Variants in JAK2 observed in about 807,000 individuals in gnomAD.
The protein encoded by JAK2 is tyrosine-protein kinase JAK2.
In JAK2, 86 loss-of-function variants were observed where a neutral mutation model predicts 139.3. That is an observed-to-expected ratio of 0.62 (90% CI 0.52 to 0.74). The LOEUF (loss-of-function observed/expected upper bound fraction) is 0.74, where lower values mean the gene tolerates loss of function less well. Among genes scored for constraint, JAK2 ranks in the 30% least tolerant of loss-of-function variants. The probability of loss-of-function intolerance (pLI) is 0.00; values close to 1 mark genes in which losing one functional copy is unlikely to be tolerated. For missense variants in JAK2, 1,421 were observed against 1,360.3 expected, an observed-to-expected ratio of 1.04 and a Z score of -0.70; for synonymous variants, 490 against 437.7, an observed-to-expected ratio of 1.12 and a Z score of -1.49.
chr9:5,048,205 G>C (rs1817160354), intron 5 of JAK2, among the ~76,000 whole-genome samples: 1 of 151,738 alleles, frequency 6.6e-6, no homozygotes, highest in Non-Finnish European at 1.5e-5. Flanking sequence ...GCAATGGCGT[G>C]ATCTCGGCTC....
intron 4 of JAK2, among the ~76,000 whole-genome samples, chr9:5,035,474 A>G (rs1359997380): frequency 6.6e-6 from 1 of 152,228 alleles, no homozygotes; most frequent in Admixed American, 6.5e-5. Context: ...CATTGATGCA[A>G]AAATCCTCAA....
intron 2 of JAK2, among the ~76,000 whole-genome samples, chr9:5,009,361 C>A (rs1414316736): frequency 2.0e-5 from 3 of 152,022 alleles, no homozygotes; most frequent in Non-Finnish European, 4.4e-5. Context: ...ACATCTGATA[C>A]AGAATGGAAA....
rs140554243 is a variant in JAK2 at position 5,029,479 on chromosome 9, A to G, written c.227-304A>G. Among the ~76,000 whole-genome samples, 706 of 152,334 alleles carry G rather than the reference A, an allele frequency of 4.6e-3. 6 individuals carry two copies. The highest frequency in any genetic ancestry group is 0.016 in the African/African-American group (670 of 41,580). On this transcript the variant is annotated intron_variant, in intron 3 of 24. Transcript: ENST00000381652. Reference sequence around the variant, plus strand: ...AAAGTGAGCACGTGCTGTTGGAAAAATGGTGCTGACAGACTTACTAGATTC... The same window carrying G: ...AAAGTGAGCACGTGCTGTTGGAAAAGTGGTGCTGACAGACTTACTAGATTC...
chr9:4,994,471 T>C (rs1820448822), intron 2 of JAK2, among the ~76,000 whole-genome samples: 1 of 152,198 alleles, frequency 6.6e-6, no homozygotes, highest in African/African-American at 2.4e-5. Context: ...GGTGATCTGA[T>C]AATGTTGATC....
chr9:5,015,369 A>G (rs1361227746), intron 2 of JAK2, among the ~76,000 whole-genome samples: 1 of 152,220 alleles, frequency 6.6e-6, no homozygotes, highest in Non-Finnish European at 1.5e-5. Context: ...AATGAAATTA[A>G]AATGATTTTC....
chr9:5,080,918 T>C (rs942489911), intron 18 of JAK2, among the ~76,000 whole-genome samples: 14 of 129,280 alleles, frequency 1.1e-4, no homozygotes, highest in African/African-American at 3.7e-4. Context: ...TTTTTTGAGA[T>C]GGAGTCTTAC....
intron 2 of JAK2, among the ~76,000 whole-genome samples, chr9:5,015,236 C>G (rs1022756362): frequency 6.6e-6 from 1 of 152,100 alleles, no homozygotes; most frequent in Admixed American, 6.6e-5. Flanking sequence ...AATGAATATT[C>G]TTGTAATGTG....
chr9:5,112,639 G>A lies in JAK2; in HGVS notation c.3060-10365G>A, dbSNP rs1822711193. ...GGCAACTGCACCTCAACAGCGAGAA[G>A]CCCCAGACCAAACTCCTTATCCTGC... On this transcript the variant is annotated intron_variant, in intron 22 of 24. Transcript: ENST00000381652. 1.0e-5 allele frequency: 10 copies of A among 1,002,776 alleles called. No individual in the cohort carries two copies. In the South Asian group the frequency reaches 1.5e-4, roughly 15 times the overall value. 62.1% of individuals were successfully genotyped at this position (1,002,776 alleles called of 1,614,324 possible).
intron 2 of JAK2, among the ~76,000 whole-genome samples, chr9:4,987,868 G>A (rs140345886): frequency 3.9e-5 from 6 of 152,272 alleles, no homozygotes; most frequent in Non-Finnish European, 7.4e-5. Context: ...TGTCATAAAA[G>A]TCTTGGCTAC....
At position 5,078,322 on chromosome 9, in the gene JAK2, T is replaced by G; in HGVS notation, c.2009T>G (p.Ile670Ser). The G allele has an allele frequency of 6.2e-7, 1 of 1,612,296 alleles. No homozygotes were observed. Among genetic ancestry groups the G allele is most frequent in the Non-Finnish European group, 8.5e-7 (1 of 1,178,712 alleles). Reference protein sequence around the residue: ...AMHFLEENTLIHGNVCAKNIL... With the variant: ...AMHFLEENTLSHGNVCAKNIL... Reference sequence around the variant, plus strand: ...CTCTAATAGGAAGAAAACACCCTTATTCATGGGAATGTATGTGCCAAAAAT... The same window carrying G: ...CTCTAATAGGAAGAAAACACCCTTAGTCATGGGAATGTATGTGCCAAAAAT... Residue 670 changes from isoleucine to serine, a missense_variant, in exon 16 of 25, where the codon ATT becomes AGT. Coordinates refer to ENST00000381652, the MANE Select transcript of JAK2 (RefSeq NM_004972.4).
chr9:5,048,791 C>T (rs1415250670), intron 5 of JAK2, among the ~76,000 whole-genome samples: 5 of 152,140 alleles, frequency 3.3e-5, no homozygotes, highest in African/African-American at 1.2e-4. Context: ...GCTTTAATTT[C>T]ATGAGACAAG....
intron 3 of JAK2, among the ~76,000 whole-genome samples, chr9:5,023,362 G>A (rs1395307570): frequency 2.6e-5 from 4 of 152,106 alleles, no homozygotes; most frequent in African/African-American, 9.7e-5. Flanking sequence ...ATGCCACTGG[G>A]CCCCAGGGGA....
At chr9:5,085,416 A>G (rs1820010521) in intron 19 of JAK2, 7 of 765,954 alleles carry the variant, frequency 9.1e-6, no homozygotes, top group Admixed American at 1.7e-5. Context: ...CTGCTTTACA[A>G]CTGTTGGCTA....
At chr9:5,102,872 C>G (rs1191728143) in intron 22 of JAK2, among the ~76,000 whole-genome samples, 1 of 152,104 alleles carries the variant, frequency 6.6e-6, no homozygotes, top group Non-Finnish European at 1.5e-5. Context: ...CCAGGCCTGC[C>G]TTACAAGATC....
chr9:5,032,858 C>T (rs1021022621), intron 4 of JAK2, among the ~76,000 whole-genome samples: 13 of 152,246 alleles, frequency 8.5e-5, no homozygotes, highest in African/African-American at 1.7e-4. Context: ...TCCAAAGGAA[C>T]GCAGCTCCTT....
chr9:4,991,005 T>C (rs1418103970), intron 2 of JAK2, among the ~76,000 whole-genome samples: 1 of 152,234 alleles, frequency 6.6e-6, no homozygotes, highest in Non-Finnish European at 1.5e-5. Flanking sequence ...CTATTCTTCC[T>C]GTGTGCATTG....
intron 8 of JAK2, among the ~76,000 whole-genome samples, chr9:5,060,716 A>G (rs1037176423): frequency 6.6e-6 from 1 of 152,162 alleles, no homozygotes; most frequent in Non-Finnish European, 1.5e-5. Context: ...ACTTCTTCCA[A>G]ATTCCTGATA....
intron 19 of JAK2, chr9:5,086,258 G>A (rs549256710): frequency 4.0e-6 from 2 of 502,092 alleles, no homozygotes; most frequent in East Asian, 1.4e-4. Flanking sequence ...TGGTGGCTCC[G>A]CCTCTGGCCC....
At position 5,126,378 on chromosome 9, in the gene JAK2, G is replaced by A. The variant is rs775568041; in HGVS notation, c.3223G>A (p.Val1075Met). The A allele has an allele frequency of 5.6e-6, 9 of 1,610,960 alleles. No individual in the cohort carries two copies. Among genetic ancestry groups the A allele is most frequent in the Admixed American group, 1.7e-5 (1 of 59,720 alleles). Residue 1075 changes from valine (V) to methionine (M), a missense_variant, in exon 24 of 25, where the codon GTG (valine) becomes ATG (methionine). Physicochemically the swap from Val to Met is conservative, Grantham distance 21. Transcript: ENST00000381652. ...CAATGACAAACAAGGACAGATGATC[G>A]TGTTCCATTTGATAGAACTTTTGAA... ...IGNDKQGQMI[V>M]FHLIELLKNN...
Sources: allele counts gnomAD v4.1 joint callset (sites outside exome capture counted in the v4.1 genomes callset), GRCh38; gene constraint gnomAD v4.1.1; transcripts MANE v1.5; gene names NCBI Gene and HGNC (gene_info 2026-07-23, HGNC 2026-07-21).